FHIP1A: variants seen among roughly 807,000 people sequenced by gnomAD.
FHIP1A encodes FHF complex subunit HOOK-interacting protein 1A.
In FHIP1A, 61 loss-of-function variants were observed where a neutral mutation model predicts 88.6. The ratio of observed to expected loss-of-function variants is 0.69; its 90% CI spans 0.56 to 0.85. The LOEUF is 0.85. FHIP1A is among the 40% of genes least tolerant of loss of function. The pLI, the probability that FHIP1A is intolerant of heterozygous loss-of-function variation, is 0.00. For synonymous variants in FHIP1A, 478 were observed against 496.0 expected (o/e 0.96, Z 0.48); for missense variants, 1,154 against 1,273.5 (o/e 0.91, Z 1.43).
chr4:151,413,403 C>T (rs975382465), intron 1 of FHIP1A, among the ~76,000 whole-genome samples: 9 of 152,090 alleles, frequency 5.9e-5, no homozygotes, highest in Non-Finnish European at 1.3e-4. Flanking sequence ...TGGCTATGTA[C>T]CTTATAATAT....
intron 1 of FHIP1A, among the ~76,000 whole-genome samples, chr4:151,444,121 A>G (rs981974480): frequency 8.0e-5 from 12 of 150,782 alleles, no homozygotes; most frequent in African/African-American, 2.7e-4. Flanking sequence ...GTGAGCGCAT[A>G]CTCCTTACCC....
intron 3 of FHIP1A, among the ~76,000 whole-genome samples, chr4:151,495,704 A>G (rs781712065): frequency 4.1e-4 from 59 of 142,552 alleles, no homozygotes; most frequent in Non-Finnish European, 7.1e-4. Context: ...GCTCACTGCA[A>G]CCTCCACCTC....
chr4:151,603,041 G>A (rs530226546), intron 7 of FHIP1A, among the ~76,000 whole-genome samples: 17 of 152,278 alleles, frequency 1.1e-4, no homozygotes, highest in Middle Eastern at 6.8e-3. Context: ...GGCCAGTCGC[G>A]GTGGCTCACG....
At position 151,635,438 on chromosome 4, in the gene FHIP1A, G is replaced by A. The variant is rs546700017; in HGVS notation, c.1147-3239G>A. Reference sequence around the variant, plus strand: ...TATTTGTACACCCATGTTCATTGCAGCATCATTCACAATAGCCAAGAGGTT... The same window carrying A: ...TATTTGTACACCCATGTTCATTGCAACATCATTCACAATAGCCAAGAGGTT... On this transcript the variant is annotated intron_variant, in intron 8 of 13. Coordinates refer to ENST00000435205, the MANE Select transcript of FHIP1A (RefSeq NM_001109977.3). Among the ~76,000 whole-genome samples the A allele has an allele frequency of 4.6e-5, 7 of 151,968 alleles. No individual in the cohort carries two copies. The East Asian group carries it at 9.6e-4, about 21-fold the overall frequency.
chr4:151,556,991 C>G (rs1440067739), intron 3 of FHIP1A, among the ~76,000 whole-genome samples: 1 of 152,014 alleles, frequency 6.6e-6, no homozygotes, highest in East Asian at 1.9e-4. Context: ...GGGATGTTAG[C>G]TGGTAATTTT....
intron 3 of FHIP1A, among the ~76,000 whole-genome samples, chr4:151,547,820 A>C (rs1176697048): frequency 6.6e-6 from 1 of 152,126 alleles, no homozygotes; most frequent in Non-Finnish European, 1.5e-5. Context: ...AAGCTGAGGC[A>C]GGAGAATCAT....
chr4:151,552,058 C>CA (rs1732756966), intron 3 of FHIP1A, among the ~76,000 whole-genome samples: 1 of 152,014 alleles, frequency 6.6e-6, no homozygotes, highest in African/African-American at 2.4e-5. Context: ...TTTATGCAGC[C>CA]AAAAAACAAA....
At chr4:151,423,288 C>T (rs1733244550) in intron 1 of FHIP1A, among the ~76,000 whole-genome samples, 2 of 151,888 alleles carry the variant, frequency 1.3e-5, no homozygotes, top group African/African-American at 4.8e-5. Flanking sequence ...TGCTGATTTT[C>T]ATATAGCTAA....
At chr4:151,631,502 C>G (rs969144047) in intron 8 of FHIP1A, among the ~76,000 whole-genome samples, 11 of 152,152 alleles carry the variant, frequency 7.2e-5, no homozygotes, top group Admixed American at 5.2e-4. Flanking sequence ...GATGGCCTCA[C>G]TGGTGAATTC....
Position 151,577,492 on chromosome 4 carries a change from C to T in FHIP1A, c.148C>T (p.Gln50Ter), listed in dbSNP as rs1733837356. 2.8e-5 allele frequency: 44 copies of T among 1,547,312 alleles called. No homozygotes were observed. Among genetic ancestry groups the T allele is most frequent in the Non-Finnish European group, 3.8e-5 (43 of 1,143,914 alleles). The change falls in exon 5 of 14, where the codon CAG (glutamine) becomes TAG (stop). Residue 50 changes from glutamine to a stop codon, truncating the protein, a stop_gained. Coordinates refer to ENST00000435205, the MANE Select transcript of FHIP1A (RefSeq NM_001109977.3). LOFTEE classifies it high-confidence loss of function. ...GAAGCACGACCCCTTGAAGAACACC[C>T]AGGCAAAATATGGGTCTATCCCTCC... ...LEKHDPLKNT[Q>*]AKYGSIPPDE... is the part of the protein sequence containing the mutation.
At chr4:151,536,422 C>T (rs1252631747) in intron 3 of FHIP1A, among the ~76,000 whole-genome samples, 1 of 152,094 alleles carries the variant, frequency 6.6e-6, no homozygotes, top group Non-Finnish European at 1.5e-5. Context: ...CTTCTATTGC[C>T]CTCTTATAAT....
chr4:151,589,621 CAG>C (rs1471599887), intron 7 of FHIP1A, among the ~76,000 whole-genome samples: 1 of 152,186 alleles, frequency 6.6e-6, no homozygotes, highest in Non-Finnish European at 1.5e-5. Context: ...ATACCTCTAG[CAG>C]AGACAGAAGC....
chr4:151,530,567 G>A (rs1731835918), intron 3 of FHIP1A, among the ~76,000 whole-genome samples: 2 of 152,100 alleles, frequency 1.3e-5, no homozygotes, highest in South Asian at 4.1e-4. Context: ...ATTCTGTTTG[G>A]GCTTCTCTAG....
At chr4:151,522,387 G>A (rs1327238301) in intron 3 of FHIP1A, among the ~76,000 whole-genome samples, 1 of 152,230 alleles carries the variant, frequency 6.6e-6, no homozygotes, top group Non-Finnish European at 1.5e-5. Context: ...GTCCTGGACT[G>A]AACTCAATCT....
In FHIP1A at chr4:151,528,633, C is replaced by G. The variant is rs146759958; in HGVS notation, c.-122-37505C>G. ...TGATACTGCTTGTTATTTTGACTGT[C>G]ATTTTTTAAATTATGTATTTGGATG... On this transcript the variant is annotated intron_variant, in intron 3 of 13. Transcript: ENST00000435205. 2.4e-3 allele frequency among the ~76,000 whole-genome samples: 367 copies of G among 152,216 alleles called. 1 individual carries two copies. Among genetic ancestry groups the G allele is most frequent in the African/African-American group, 8.5e-3 (351 of 41,534 alleles).
At chr4:151,528,795 CTTTG>C (rs1731772179) in intron 3 of FHIP1A, among the ~76,000 whole-genome samples, 1 of 152,118 alleles carries the variant, frequency 6.6e-6, no homozygotes, top group Non-Finnish European at 1.5e-5. Flanking sequence ...CAACATTTGG[CTTTG>C]TTTCAGTCTT....
intron 7 of FHIP1A, among the ~76,000 whole-genome samples, chr4:151,627,219 T>C: frequency 6.6e-6 from 1 of 152,248 alleles, no homozygotes; most frequent in East Asian, 1.9e-4. Flanking sequence ...CTCCAAGTGC[T>C]TTCTTAAATC....
intron 3 of FHIP1A, among the ~76,000 whole-genome samples, chr4:151,502,228 G>A (rs1413582324): frequency 6.6e-6 from 1 of 151,628 alleles, no homozygotes; most frequent in Non-Finnish European, 1.5e-5. Context: ...GAGGTGGGAG[G>A]ATTGCTTGAG....
chr4:151,640,383 C>T (rs544001108), intron 9 of FHIP1A, among the ~76,000 whole-genome samples: 1 of 152,270 alleles, frequency 6.6e-6, no homozygotes, highest in East Asian at 1.9e-4. Flanking sequence ...TCATCAGTAG[C>T]TAATCTTAAG....
Sources: allele counts gnomAD v4.1 joint callset (sites outside exome capture counted in the v4.1 genomes callset), GRCh38; gene constraint gnomAD v4.1.1; transcripts MANE v1.5; gene names NCBI Gene and HGNC (gene_info 2026-07-23, HGNC 2026-07-21).